FSTL4: variants seen among roughly 807,000 people sequenced by gnomAD.
FSTL4 encodes the protein follistatin like 4.
FSTL4 carries 28 observed loss-of-function variants against 78.2 expected under a neutral mutation model. The observed-to-expected ratio is 0.36, with a 90% CI of 0.27 to 0.49. The LOEUF is 0.49. Among genes scored for constraint, FSTL4 ranks in the 20% least tolerant of loss-of-function variants. The pLI is 0.98. For missense variants in FSTL4, 922 were observed against 1,084.9 expected (o/e 0.85, Z 2.11); for synonymous variants, 422 against 440.5 (o/e 0.96, Z 0.53).
chr5:133,705,856 C>T, the FSTL4 span, among the ~76,000 whole-genome samples: 17 of 138,798 alleles, frequency 1.2e-4, no homozygotes, highest in African/African-American at 3.0e-4. Context: ...CACACACGCG[C>T]GCACACACAC....
the FSTL4 span, among the ~76,000 whole-genome samples, chr5:133,677,544 A>G: frequency 1.3e-5 from 2 of 152,274 alleles, no homozygotes; most frequent in African/African-American, 4.8e-5. Context: ...ACGGAAGGAT[A>G]GTAAAAATGT....
At chr5:133,547,977 C>A (rs889164416) in intron 3 of FSTL4, among the ~76,000 whole-genome samples, 1 of 152,154 alleles carries the variant, frequency 6.6e-6, no homozygotes, top group Non-Finnish European at 1.5e-5. Context: ...AAGCCCTGGA[C>A]ACCTAAGCTC....
intron 4 of FSTL4, among the ~76,000 whole-genome samples, chr5:133,391,111 C>T (rs1455572632): frequency 1.3e-5 from 2 of 152,202 alleles, no homozygotes; most frequent in South Asian, 4.1e-4. Flanking sequence ...GGCAGGCGTA[C>T]AGAGACCACG....
chr5:133,421,694 C>T (rs993496301), intron 3 of FSTL4, among the ~76,000 whole-genome samples: 1 of 152,218 alleles, frequency 6.6e-6, no homozygotes, highest in Admixed American at 6.5e-5. Context: ...TGAGCCCATC[C>T]CGCCACCTTG....
the FSTL4 span, among the ~76,000 whole-genome samples, chr5:133,748,176 G>C: frequency 6.7e-6 from 1 of 148,846 alleles, no homozygotes; most frequent in Non-Finnish European, 1.5e-5. Context: ...CCTGGCGACA[G>C]AACGAGACTC....
chr5:133,490,383 T>C (rs62374576), intron 3 of FSTL4, among the ~76,000 whole-genome samples: 5 of 151,314 alleles, frequency 3.3e-5, no homozygotes, highest in Admixed American at 1.3e-4. Flanking sequence ...TTTTTTTTTT[T>C]CCAGGGGGCC....
the FSTL4 span, among the ~76,000 whole-genome samples, chr5:133,793,411 C>T: frequency 3.9e-5 from 6 of 152,238 alleles, no homozygotes; most frequent in African/African-American, 1.4e-4. Context: ...CTGCTGAGCT[C>T]CCGCCCACAC....
the FSTL4 span, among the ~76,000 whole-genome samples, chr5:133,710,871 T>G: frequency 6.6e-6 from 1 of 152,214 alleles, no homozygotes; most frequent in Non-Finnish European, 1.5e-5. Context: ...CACAATACCA[T>G]CACCGTGCCA....
chr5:133,730,073 T>C, the FSTL4 span, among the ~76,000 whole-genome samples: 2 of 152,210 alleles, frequency 1.3e-5, no homozygotes, highest in African/African-American at 4.8e-5. Context: ...GTAAATTGAC[T>C]TTGATTGTGG....
intron 11 of FSTL4, among the ~76,000 whole-genome samples, chr5:133,221,912 T>TTTTTTTTTTG (rs1751137754): frequency 4.4e-5 from 5 of 113,966 alleles, no homozygotes; most frequent in South Asian, 2.5e-4. Flanking sequence ...TTTTTTTTTT[T>TTTTTTTTTTG]TTTTTTTTTT....
At chr5:133,501,042 G>A (rs1213286659) in intron 3 of FSTL4, among the ~76,000 whole-genome samples, 2 of 152,130 alleles carry the variant, frequency 1.3e-5, no homozygotes, top group Non-Finnish European at 2.9e-5. Flanking sequence ...TGCAATTTTA[G>A]CCAGTTGCAG....
the FSTL4 span, among the ~76,000 whole-genome samples, chr5:133,708,100 C>A: frequency 8.1e-6 from 1 of 122,864 alleles, no homozygotes; most frequent in African/African-American, 3.2e-5. Context: ...GGAAAGGGGG[C>A]AGGAAAGGGG....
At chr5:133,780,427 C>A in the FSTL4 span, among the ~76,000 whole-genome samples, 1 of 145,466 alleles carries the variant, frequency 6.9e-6, no homozygotes, top group Non-Finnish European at 1.5e-5. Context: ...GCCATCTTAC[C>A]CTGCTTCAGT....
At chr5:133,743,431 G>C in the FSTL4 span, among the ~76,000 whole-genome samples, 1 of 152,166 alleles carries the variant, frequency 6.6e-6, no homozygotes, top group Non-Finnish European at 1.5e-5. Context: ...CACAGACCAG[G>C]GGCTGAACTG....
At chr5:133,595,552 C>T (rs535632047) in intron 2 of FSTL4, among the ~76,000 whole-genome samples, 10 of 152,362 alleles carry the variant, frequency 6.6e-5, no homozygotes, top group African/African-American at 2.4e-4. Context: ...ACTCTGAGGG[C>T]TGCCTTGCTA....
chr5:133,593,511 C>T (rs762143157), intron 2 of FSTL4, among the ~76,000 whole-genome samples: 8 of 152,012 alleles, frequency 5.3e-5, no homozygotes, highest in Admixed American at 1.3e-4. Context: ...TAGAGACTTC[C>T]GGCTTCCTCC....
chr5:133,295,608 C>T (rs1248205264), intron 6 of FSTL4, among the ~76,000 whole-genome samples: 1 of 152,164 alleles, frequency 6.6e-6, no homozygotes, highest in Non-Finnish European at 1.5e-5. Flanking sequence ...GACTTTTGTA[C>T]CCTCTCCCAT....
chr5:133,696,003 C>T, the FSTL4 span, among the ~76,000 whole-genome samples: 1 of 152,354 alleles, frequency 6.6e-6, no homozygotes, highest in Non-Finnish European at 1.5e-5. Context: ...CCCAGCACTC[C>T]ATCTCCATTT....
At chr5:133,433,999 C>T (rs534611308) in intron 3 of FSTL4, among the ~76,000 whole-genome samples, 12 of 151,976 alleles carry the variant, frequency 7.9e-5, no homozygotes, top group Admixed American at 3.3e-4. Flanking sequence ...TGGGAAAGCC[C>T]TGGAGGGTTT....
Sources: gnomAD v4.1 joint callset for allele counts (sites outside exome capture counted in the v4.1 genomes callset) on GRCh38, gnomAD v4.1.1 for gene constraint, MANE v1.5 for transcripts, NCBI Gene and HGNC (gene_info 2026-07-23, HGNC 2026-07-21) for gene names.